MYCBP2: variants seen among roughly 807,000 people sequenced by gnomAD.
MYCBP2 encodes the protein E3 ubiquitin-protein ligase MYCBP2.
MYCBP2 carries 120 observed loss-of-function variants against 525.3 expected under a neutral mutation model. The ratio of observed to expected loss-of-function variants is 0.23; its 90% CI spans 0.20 to 0.27. The LOEUF (loss-of-function observed/expected upper bound fraction) is 0.27. Ranked by LOEUF, MYCBP2 falls within the 10% of genes least tolerant of loss-of-function variation. The pLI, the probability that MYCBP2 is intolerant of heterozygous loss-of-function variation, is 1.00. For missense variants in MYCBP2, 4,149 were observed against 5,657.1 expected (o/e 0.73, Z 8.55); for synonymous variants, 1,894 against 1,955.8 (o/e 0.97, Z 0.83).
At chr13:77,067,897 G>A in intron 70 of MYCBP2, 33 bp from the exon 71 acceptor site, 2 of 1,563,978 alleles carry the variant, frequency 1.3e-6, no homozygotes, top group Non-Finnish European at 8.7e-7. Context: ...AGAATTCCAT[G>A]TAAAGACTAA....
chr13:77,220,851 C>T (rs2065446845), intron 20 of MYCBP2, among the ~76,000 whole-genome samples: 1 of 152,180 alleles, frequency 6.6e-6, no homozygotes, highest in South Asian at 2.1e-4. Flanking sequence ...TGATGAATAT[C>T]TAATCCACTA....
At chr13:77,184,858 A>G (rs1160417721) in intron 32 of MYCBP2, among the ~76,000 whole-genome samples, 1 of 152,118 alleles carries the variant, frequency 6.6e-6, no homozygotes, top group African/African-American at 2.4e-5. Flanking sequence ...CTCTCTCAGA[A>G]TCACTCACTC....
At chr13:77,139,079 A>G in intron 52 of MYCBP2, 117 bp downstream of exon 52, 2 of 1,153,416 alleles carry the variant, frequency 1.7e-6, no homozygotes, top group Non-Finnish European at 2.4e-6. Context: ...AAGAAATTGT[A>G]AAGTAAAGGT....
intron 21 of MYCBP2, 67 bp downstream of exon 21, chr13:77,217,773 G>T: frequency 1.1e-6 from 1 of 907,398 alleles, no homozygotes; most frequent in Non-Finnish European, 1.7e-6. Flanking sequence ...AGAAAAAAGA[G>T]CTAATATAGA....
At chr13:77,056,668 C>T (rs755700403) in intron 79 of MYCBP2, among the ~76,000 whole-genome samples, 6 of 152,106 alleles carry the variant, frequency 3.9e-5, no homozygotes, top group Non-Finnish European at 8.8e-5. Context: ...TTTTGGTAGC[C>T]GTTGTCATGT....
At chr13:77,136,010 A>G (rs1044124150) in intron 52 of MYCBP2, among the ~76,000 whole-genome samples, 1 of 151,836 alleles carries the variant, frequency 6.6e-6, no homozygotes, top group Non-Finnish European at 1.5e-5. Context: ...TAATTTTTGT[A>G]TTTTTAGTAG....
rs147435974 is a variant in MYCBP2, at chr13:77,233,216, C to T, written c.2677G>A (p.Ala893Thr). ...GPIFMNHREQALARLRSHPAQ... is the reference protein window; with the variant it reads ...GPIFMNHREQTLARLRSHPAQ... ...GGATGGGATCTGAGTCTGGCTAGAG[C>T]CTGTTCTCGATGGTTCATAAAAATA... Residue 893 changes from alanine (A) to threonine (T), a missense_variant, in exon 18 of 83, where the codon GCT becomes ACT. Ala to Thr is a moderately conservative substitution (Grantham distance 58, BLOSUM62 0). Around this residue, in one of 21 missense-constraint regions of MYCBP2, gnomAD observed 620 missense variants for 795.5 expected, o/e 0.78. Transcript: ENST00000544440. 1.9e-6 allele frequency: 3 copies of T among 1,613,758 alleles called. No homozygotes were observed. In the East Asian group the frequency reaches 6.7e-5, roughly 36 times the overall value.
chr13:77,319,225 C>G (rs12184865), intron 1 of MYCBP2, among the ~76,000 whole-genome samples: 13,692 of 151,996 alleles, frequency 0.09, 787 homozygotes, highest in African/African-American at 0.16. Flanking sequence ...AGTCAGTAGG[C>G]GAGAGAGGAG....
intron 30 of MYCBP2, among the ~76,000 whole-genome samples, chr13:77,187,710 T>A (rs1200902371): frequency 1.3e-5 from 2 of 152,150 alleles, no homozygotes; most frequent in Non-Finnish European, 1.5e-5. Flanking sequence ...TTGTAGAGCA[T>A]CCTGTATTTG....
Position 77,171,388 on chromosome 13 carries a change from T to C in MYCBP2, c.5794+104A>G. 7.8e-6 allele frequency: 9 copies of C among 1,160,200 alleles called. No individual in the cohort carries two copies. In the South Asian group the frequency reaches 1.4e-4, roughly 19 times the overall value. The allele number at this position is 1,160,200 out of a possible 1,614,324, so 71.9% of individuals were successfully genotyped here. On this transcript the variant is annotated intron_variant, in intron 38 of 82. Transcript: ENST00000544440. ...GGTGGATCTATAAATAACACTTAGATTCTATAAAATTGTATAATAGAAGGC... is the reference window on the plus strand; with the variant it reads ...GGTGGATCTATAAATAACACTTAGACTCTATAAAATTGTATAATAGAAGGC...
At chr13:77,280,025 A>G (rs577274961) in intron 3 of MYCBP2, among the ~76,000 whole-genome samples, 1 of 152,330 alleles carries the variant, frequency 6.6e-6, no homozygotes, top group African/African-American at 2.4e-5. Context: ...CCAATTACCT[A>G]GCATATGGTA....
intron 47 of MYCBP2, among the ~76,000 whole-genome samples, chr13:77,149,630 G>A (rs868721307): frequency 4.6e-5 from 7 of 152,076 alleles, no homozygotes; most frequent in East Asian, 1.9e-4. Flanking sequence ...ACATCTTCAC[G>A]TAGGTATTTC....
Position 77,078,872 on chromosome 13 carries a change from C to G in MYCBP2, c.11436G>C (p.Met3812Ile), listed in dbSNP as rs772191393. The change falls in exon 66 of 83, where the codon ATG becomes ATC. Residue 3812 changes from methionine to isoleucine, a missense_variant. Met to Ile is a conservative substitution (Grantham distance 10). Around this residue, in one of 21 missense-constraint regions of MYCBP2, gnomAD observed 509 missense variants for 789.4 expected, o/e 0.64. Coordinates refer to ENST00000544440, the MANE Select transcript of MYCBP2 (RefSeq NM_015057.5). ...SRDLGNKVTSMTFLTGKAVED... is the reference protein window; with the variant it reads ...SRDLGNKVTSITFLTGKAVED... ...CTACTGCTTTGCCAGTTAAGAAGGT[C>G]ATTGAGGTAACTTTATTCTGAAATA... The G allele has an allele frequency of 6.2e-7, 1 of 1,613,388 alleles. No individual in the cohort carries two copies. The highest frequency in any genetic ancestry group is 1.7e-5 in the Admixed American group (1 of 59,992).
chr13:77,205,641 A>G lies in MYCBP2; in HGVS notation c.3590-43T>C, dbSNP rs1032559956. 2.5e-5 allele frequency: 39 copies of G among 1,579,922 alleles called. No homozygotes were observed. In the Admixed American group the frequency reaches 5.5e-4, roughly 22 times the overall value. ...CAAAATTTAACTCCTTGAAATTAAA[A>G]TGTCCTATGGTATTGATGACATTAA... On this transcript the variant is annotated intron_variant, in intron 24 of 82. Transcript: ENST00000544440.
chr13:77,072,154 G>A (rs2041431854), intron 68 of MYCBP2, among the ~76,000 whole-genome samples: 2 of 151,972 alleles, frequency 1.3e-5, no homozygotes, highest in African/African-American at 4.8e-5. Flanking sequence ...AGCTGGGCAT[G>A]GTGGCGGGCG....
intron 47 of MYCBP2, among the ~76,000 whole-genome samples, 189 bp from the exon 48 acceptor site, chr13:77,146,406 T>A (rs2055560076): frequency 6.7e-6 from 1 of 148,886 alleles, no homozygotes; most frequent in African/African-American, 2.5e-5. Context: ...GATCCAAAAG[T>A]AAACACCAAA....
intron 62 of MYCBP2, among the ~76,000 whole-genome samples, chr13:77,086,279 G>C (rs544670281): frequency 6.6e-6 from 1 of 152,000 alleles, no homozygotes. Flanking sequence ...AACAAACTCA[G>C]TATTTTAACT....
chr13:77,263,344 A>G (rs1016493324), intron 10 of MYCBP2, among the ~76,000 whole-genome samples: 1 of 152,014 alleles, frequency 6.6e-6, no homozygotes, highest in East Asian at 1.9e-4. Context: ...ATATAAACTA[A>G]TGACATTCAC....
rs778765077 is a variant in MYCBP2 at position 77,095,442 on chromosome 13, T to C, written c.10115A>G (p.Gln3372Arg). The change falls in exon 58 of 83, where the codon CAA (glutamine) becomes CGA (arginine). Residue 3372 changes from glutamine to arginine, a missense_variant. Transcript: ENST00000544440. ...TTCTTTTACACTGGGCAACTGAGAT[T>C]GGAATGGCTTTGCAGGATGGTAACA... ...ILCYHPAKPFQSQLPSVKEGI... is the reference protein window; with the variant it reads ...ILCYHPAKPFRSQLPSVKEGI... The C allele has an allele frequency of 1.9e-6, 3 of 1,613,590 alleles. No individual in the cohort carries two copies. The highest frequency in any genetic ancestry group is 2.5e-6 in the Non-Finnish European group (3 of 1,179,704).
Sources: gnomAD v4.1 joint callset for allele counts (sites outside exome capture counted in the v4.1 genomes callset) on GRCh38, gnomAD v4.1.1 for gene constraint, gnomAD v4.1.1 regional missense constraint, MANE v1.5 for transcripts, NCBI Gene and HGNC (gene_info 2026-07-23, HGNC 2026-07-21) for gene names.